Variants in PCDHA4 observed in about 807,000 individuals in gnomAD.
PCDHA4 encodes the protein protocadherin alpha 4.
In PCDHA4, 49 loss-of-function variants were observed where a neutral mutation model predicts 61.4. The observed-to-expected ratio is 0.80, with a 90% CI of 0.63 to 1.01. The LOEUF is 1.01. Ranked by LOEUF, PCDHA4 falls within the 50% of genes least tolerant of loss-of-function variation. PCDHA4 has a pLI of 0.00. For missense variants in PCDHA4, 1,254 were observed against 1,235.8 expected (o/e 1.01, Z -0.22); for synonymous variants, 590 against 550.3 (o/e 1.07, Z -1.01).
intron 1 of PCDHA4, chr5:140,842,572 A>G (rs3733705): frequency 3.9e-6 from 6 of 1,538,104 alleles, no homozygotes; most frequent in South Asian, 1.1e-5. Flanking sequence ...ACCGCGAGAG[A>G]GTGTCGGCCT....
intron 1 of PCDHA4, among the ~76,000 whole-genome samples, chr5:140,894,790 T>C (rs943284227): frequency 6.6e-6 from 1 of 152,164 alleles, no homozygotes. Flanking sequence ...ATTTGTCCTC[T>C]CCTTTAAAAA....
chr5:140,884,654 T>C, intron 1 of PCDHA4: 1 of 1,602,858 alleles, frequency 6.2e-7, no homozygotes, highest in South Asian at 1.1e-5. Context: ...CTCAGAATGC[T>C]TGAAAGAGGT....
intron 1 of PCDHA4, among the ~76,000 whole-genome samples, chr5:140,941,208 T>TTCCTTTCTTTCTTTCTTTCTTTCG (rs2092839762): frequency 9.1e-6 from 1 of 109,450 alleles, no homozygotes; most frequent in Non-Finnish European, 2.0e-5. Context: ...TCTTCCTTTC[T>TTCCTTTCTTTCTTTCTTTCTTTCG]TTCTTCCTTT....
chr5:140,810,168 T>A (rs964600024), intron 1 of PCDHA4: 1 of 152,318 alleles, frequency 6.6e-6, no homozygotes, highest in South Asian at 2.1e-4. Flanking sequence ...TGTTGTTATA[T>A]GTAGTTGTAG....
intron 1 of PCDHA4, chr5:140,875,640 G>A (rs782266115): frequency 2.5e-6 from 4 of 1,613,688 alleles, no homozygotes; most frequent in Non-Finnish European, 3.4e-6. Context: ...GGCTGGAGCT[G>A]GCGGAGCTGG....
At chr5:140,830,175 A>G in intron 1 of PCDHA4, 7 of 1,613,542 alleles carry the variant, frequency 4.3e-6, no homozygotes, top group Non-Finnish European at 5.9e-6. Flanking sequence ...GCGCTGGTGG[A>G]TGTCAACGTG....
intron 1 of PCDHA4, chr5:140,854,002 A>G: frequency 2.5e-6 from 1 of 395,852 alleles, no homozygotes; most frequent in Non-Finnish European, 3.5e-6. Flanking sequence ...ATCTCTGCCA[A>G]AAAAAAAAAA....
Position 140,925,641 on chromosome 5 carries a change from T to TATAATAATAATA in PCDHA4, c.2386-53282_2386-53271dup, listed in dbSNP as rs10569930. On this transcript the variant is annotated intron_variant, in intron 1 of 3. Coordinates refer to ENST00000530339, the MANE Select transcript of PCDHA4 (RefSeq NM_018907.4). ...TGCACATGTACCCTAGAACTTAAAG[T>TATAATAATAATA]ATAATAATAATAATAATAATAATAA... 2.2e-3 allele frequency among the ~76,000 whole-genome samples: 310 copies of TATAATAATAATA among 143,350 alleles called. 1 individual carries two copies. The highest frequency in any genetic ancestry group is 2.8e-3 in the East Asian group (14 of 4,930). 94.0% of individuals were successfully genotyped at this position (143,350 alleles called of 152,430 possible).
At position 140,809,107 on chromosome 5, in the gene PCDHA4, G is replaced by A; in HGVS notation, c.1920G>A (p.Thr640=). 1.2e-6 allele frequency: 2 copies of A among 1,613,952 alleles called. No individual in the cohort carries two copies. The highest frequency in any genetic ancestry group is 1.7e-5 in the Admixed American group (1 of 60,032). ...GCACAACGCGTGCCCTGGACGAAAC[G>A]GACGCTCCGCGCCACCGCCTACTGG... ...EISTTRALDE[T]DAPRHRLLVL... Residue 640 remains threonine, a synonymous_variant, in exon 1 of 4, where the codon ACG becomes ACA. Coordinates refer to ENST00000530339, the MANE Select transcript of PCDHA4 (RefSeq NM_018907.4).
chr5:140,975,216 G>C (rs1349439819), intron 1 of PCDHA4, among the ~76,000 whole-genome samples: 1 of 152,198 alleles, frequency 6.6e-6, no homozygotes, highest in Admixed American at 6.5e-5. Flanking sequence ...TGGCACTGGA[G>C]AATCTTCCCT....
Position 140,877,150 on chromosome 5 carries a change from G to C in PCDHA4, c.2385+67578G>C, listed in dbSNP as rs370292278. On this transcript the variant is annotated intron_variant, in intron 1 of 3. Transcript: ENST00000530339. ...GCAGGTGTTCGTGCTGGACGAGAAC[G>C]ACAACGCGCCGGCACTGCTGGCGAC... 1 of 1,613,790 alleles carries C rather than the reference G, an allele frequency of 6.2e-7. No individual in the cohort carries two copies. The highest frequency in any genetic ancestry group is 2.2e-5 in the East Asian group (1 of 44,870).
chr5:140,893,388 CATG>C (rs2063965035), intron 1 of PCDHA4, among the ~76,000 whole-genome samples: 1 of 152,132 alleles, frequency 6.6e-6, no homozygotes, highest in South Asian at 2.1e-4. Context: ...GACAGTGGCT[CATG>C]CCTGTAATCC....
chr5:140,850,193 G>C (rs2150472370), intron 1 of PCDHA4: 2 of 1,593,662 alleles, frequency 1.3e-6, no homozygotes. Flanking sequence ...CGGCGCTGCT[G>C]ACACCTCGGA....
At chr5:140,892,283 C>T (rs1554185144) in intron 1 of PCDHA4, among the ~76,000 whole-genome samples, 1 of 152,172 alleles carries the variant, frequency 6.6e-6, no homozygotes, top group African/African-American at 2.4e-5. Context: ...GTATTAAACA[C>T]TTCTTCCTGG....
At chr5:140,938,218 T>A (rs1050033125) in intron 1 of PCDHA4, among the ~76,000 whole-genome samples, 3 of 152,210 alleles carry the variant, frequency 2.0e-5, no homozygotes, top group Admixed American at 2.0e-4. Context: ...AGTGCTGGGA[T>A]TACAGGCATA....
At chr5:140,826,342 C>CTG (rs1768912564) in intron 1 of PCDHA4, among the ~76,000 whole-genome samples, 1 of 152,070 alleles carries the variant, frequency 6.6e-6, no homozygotes, top group Non-Finnish European at 1.5e-5. Context: ...AAATTGAACC[C>CTG]TTTGTTTGCC....
intron 1 of PCDHA4, chr5:140,836,608 C>G (rs2150265408): frequency 1.9e-6 from 3 of 1,613,518 alleles, no homozygotes; most frequent in Admixed American, 3.3e-5. Flanking sequence ...CTGGTGTGCT[C>G]CAGCGCGGTG....
chr5:140,963,300 TAAG>T (rs1387833703), intron 1 of PCDHA4, among the ~76,000 whole-genome samples: 2 of 152,120 alleles, frequency 1.3e-5, no homozygotes, highest in African/African-American at 4.8e-5. Flanking sequence ...GGAGAGAAAA[TAAG>T]AAGCTGTTTG....
chr5:140,833,596 T>C (rs1772537859), intron 1 of PCDHA4, among the ~76,000 whole-genome samples: 2 of 152,316 alleles, frequency 1.3e-5, no homozygotes, highest in South Asian at 4.1e-4. Context: ...TATATATAGA[T>C]TCTGCTAAAG....
Sources: allele counts gnomAD v4.1 joint callset (sites outside exome capture counted in the v4.1 genomes callset), GRCh38; gene constraint gnomAD v4.1.1; transcripts MANE v1.5; gene names NCBI Gene and HGNC (gene_info 2026-07-23, HGNC 2026-07-21).